The following RHAG variants were observed in gnomAD, a reference collection of about 807,000 sequenced individuals.
RHAG encodes the protein Rh associated glycoprotein, also known as ammonium transporter Rh type A.
In RHAG, 25 loss-of-function variants were observed where a neutral mutation model predicts 42.4. The observed-to-expected ratio is 0.59, with a 90% CI of 0.43 to 0.82. The LOEUF is 0.82. RHAG is among the 40% of genes least tolerant of loss of function. RHAG has a pLI of 0.00. For synonymous variants in RHAG, 182 were observed against 177.7 expected (o/e 1.02, Z -0.19); for missense variants, 483 against 504.6 (o/e 0.96, Z 0.41).
intron 1 of RHAG, among the ~76,000 whole-genome samples, chr6:49,630,069 G>A (rs1023117256): frequency 6.6e-6 from 1 of 152,246 alleles, no homozygotes; most frequent in Non-Finnish European, 1.5e-5. Flanking sequence ...GGCGCCGAGA[G>A]CGAGCGAGGG....
intron 8 of RHAG, 52 bp downstream of exon 8, chr6:49,607,098 T>C (rs1403359137): frequency 6.8e-7 from 1 of 1,475,298 alleles, no homozygotes; most frequent in Non-Finnish European, 9.5e-7. Context: ...TTATCTATTG[T>C]AAATAATCTG....
chr6:49,614,349 C>T (rs928461147), intron 5 of RHAG, among the ~76,000 whole-genome samples: 2 of 150,496 alleles, frequency 1.3e-5, no homozygotes, highest in Non-Finnish European at 2.9e-5. Flanking sequence ...TCTGCCTCCA[C>T]GCCTGGCTAA....
intron 7 of RHAG, among the ~76,000 whole-genome samples, chr6:49,608,552 T>C (rs752822995): frequency 4.6e-5 from 7 of 152,054 alleles, no homozygotes; most frequent in Non-Finnish European, 8.8e-5. Context: ...ACTTTTTGTG[T>C]TTTTAGTAGA....
At chr6:49,629,786 C>T (rs559508222) in intron 1 of RHAG, among the ~76,000 whole-genome samples, 1 of 152,338 alleles carries the variant, frequency 6.6e-6, no homozygotes, top group South Asian at 2.1e-4. Context: ...CAGCCGCTGG[C>T]CCTGGTGCTA....
In RHAG at chr6:49,618,112, C is replaced by A. The variant is rs762894859; in HGVS notation, c.448G>T (p.Val150Phe). 1 of 1,614,026 alleles carries A rather than the reference C, an allele frequency of 6.2e-7. No individual in the cohort carries two copies. The highest frequency in any genetic ancestry group is 8.5e-7 in the Non-Finnish European group (1 of 1,179,952). Reference sequence around the variant, plus strand: ...AGGTATTCATTGTGGGCAAAGAAAACAATTTCTAAAATTGTCATGATCAGC... The same window carrying A: ...AGGTATTCATTGTGGGCAAAGAAAAAAATTTCTAAAATTGTCATGATCAGC... ...QMLIMTILEI[V>F]FFAHNEYLVS... Residue 150 changes from valine (V) to phenylalanine (F), a missense_variant, in exon 3 of 10, where the codon GTT (valine) becomes TTT (phenylalanine). Val to Phe is a conservative substitution (Grantham distance 50). Coordinates refer to ENST00000371175, the MANE Select transcript of RHAG (RefSeq NM_000324.3).
chr6:49,613,780 A>C (rs1460114398), intron 5 of RHAG, among the ~76,000 whole-genome samples: 1 of 152,234 alleles, frequency 6.6e-6, no homozygotes, highest in East Asian at 1.9e-4. Context: ...GAATGTTTCC[A>C]TATGTCCCTC....
intron 7 of RHAG, 72 bp from the exon 8 acceptor site, chr6:49,607,292 G>T (rs1057183431): frequency 4.1e-6 from 5 of 1,207,524 alleles, no homozygotes; most frequent in African/African-American, 3.0e-5. Flanking sequence ...CTCACTGAGG[G>T]TGTGGATGAC....
At chr6:49,626,892 G>A (rs897063977) in intron 1 of RHAG, among the ~76,000 whole-genome samples, 20 of 152,350 alleles carry the variant, frequency 1.3e-4, no homozygotes, top group Admixed American at 5.2e-4. Context: ...GCTTGCACCC[G>A]CTGAAGAAAC....
chr6:49,612,545 G>C lies in RHAG; in HGVS notation c.808-11C>G. ...ATTCTGAATGTGAACCTGTGTGAGCGGCAGAAACATAAATGAGGTGAGCTG... is the reference window on the plus strand; with the variant it reads ...ATTCTGAATGTGAACCTGTGTGAGCCGCAGAAACATAAATGAGGTGAGCTG... On this transcript the variant is annotated splice_polypyrimidine_tract_variant and intron_variant, in intron 5 of 9. Coordinates refer to ENST00000371175, the MANE Select transcript of RHAG (RefSeq NM_000324.3). 6.2e-7 allele frequency: 1 copy of C among 1,613,866 alleles called. No homozygotes were observed. Among genetic ancestry groups the C allele is most frequent in the Non-Finnish European group, 8.5e-7 (1 of 1,179,818 alleles).
chr6:49,622,927 C>T (rs1398386651), intron 1 of RHAG, among the ~76,000 whole-genome samples: 3 of 151,586 alleles, frequency 2.0e-5, no homozygotes, highest in African/African-American at 7.3e-5. Flanking sequence ...GCTCCGCCTC[C>T]CGGGTTCACG....
chr6:49,629,796 A>G (rs1762906130), intron 1 of RHAG, among the ~76,000 whole-genome samples: 2 of 152,140 alleles, frequency 1.3e-5, no homozygotes, highest in Non-Finnish European at 2.9e-5. Context: ...CCCTGGTGCT[A>G]AGTCCCTCAT....
chr6:49,614,020 T>C (rs16879513), intron 5 of RHAG, among the ~76,000 whole-genome samples: 3 of 152,140 alleles, frequency 2.0e-5, no homozygotes, highest in South Asian at 2.1e-4. Context: ...TTCTGCTGTT[T>C]GATAAATCTT....
chr6:49,623,096 C>T (rs1250641632), intron 1 of RHAG, among the ~76,000 whole-genome samples: 1 of 152,162 alleles, frequency 6.6e-6, no homozygotes, highest in Non-Finnish European at 1.5e-5. Context: ...CCTCGGCCTC[C>T]CAAAGTGCTG....
chr6:49,619,768 T>C (rs1762722769), intron 1 of RHAG, among the ~76,000 whole-genome samples: 1 of 152,212 alleles, frequency 6.6e-6, no homozygotes, highest in Admixed American at 6.5e-5. Flanking sequence ...GTATATACTT[T>C]AGCTTTATCA....
chr6:49,629,922 C>A (rs1046001947), intron 1 of RHAG, among the ~76,000 whole-genome samples: 3 of 152,188 alleles, frequency 2.0e-5, no homozygotes, highest in Non-Finnish European at 4.4e-5. Context: ...TTCCCGCTCG[C>A]GCCTCTCCCT....
At chr6:49,617,462 G>T (rs892050288) in intron 3 of RHAG, among the ~76,000 whole-genome samples, 1 of 151,784 alleles carries the variant, frequency 6.6e-6, no homozygotes, top group African/African-American at 2.4e-5. Context: ...ATAAAAACAG[G>T]AACTTTCATA....
intron 1 of RHAG, among the ~76,000 whole-genome samples, chr6:49,633,993 T>G (rs9463530): frequency 0.23 from 34,233 of 152,070 alleles, 4,194 homozygotes; most frequent in African/African-American, 0.32. Flanking sequence ...TGTTTAAAAT[T>G]GATACGTAAT....
chr6:49,635,377 A>G (rs1762995796), intron 1 of RHAG, among the ~76,000 whole-genome samples: 1 of 152,154 alleles, frequency 6.6e-6, no homozygotes, highest in Non-Finnish European at 1.5e-5. Flanking sequence ...TGTATCAGAT[A>G]GTGGAGTCTT....
chr6:49,613,333 G>T (rs1436553500), intron 5 of RHAG, among the ~76,000 whole-genome samples: 2 of 152,146 alleles, frequency 1.3e-5, no homozygotes, highest in East Asian at 3.9e-4. Flanking sequence ...GCCTCCCAAA[G>T]CACTGGGATT....
Sources: allele counts gnomAD v4.1 joint callset (sites outside exome capture counted in the v4.1 genomes callset), GRCh38; gene constraint gnomAD v4.1.1; transcripts MANE v1.5; gene names NCBI Gene and HGNC (gene_info 2026-07-23, HGNC 2026-07-21).